The following PTPRN2 variants were observed in gnomAD, a reference collection of about 807,000 sequenced individuals.
PTPRN2 encodes the protein protein tyrosine phosphatase receptor type N2.
PTPRN2 carries 74 observed loss-of-function variants against 118.8 expected under a neutral mutation model. That is an observed-to-expected ratio of 0.62 (90% CI 0.52 to 0.76). The LOEUF is 0.76. PTPRN2 is among the 30% of genes least tolerant of loss of function. The pLI, the probability that PTPRN2 is intolerant of heterozygous loss-of-function variation, is 0.00. For missense variants in PTPRN2, 1,481 were observed against 1,394.4 expected (o/e 1.06, Z -0.99); for synonymous variants, 641 against 608.0 (o/e 1.05, Z -0.80).
intron 15 of PTPRN2, among the ~76,000 whole-genome samples, chr7:157,606,405 C>T (rs1473265525): frequency 6.6e-6 from 1 of 152,216 alleles, no homozygotes; most frequent in Non-Finnish European, 1.5e-5. Flanking sequence ...GTTACGCCTC[C>T]CTGCTGCAGC....
At position 157,796,722 on chromosome 7, in the gene PTPRN2, C is replaced by T. The variant is rs139512986; in HGVS notation, c.1788+101951G>A. On this transcript the variant is annotated intron_variant, in intron 12 of 22. Coordinates refer to ENST00000389418, the MANE Select transcript of PTPRN2 (RefSeq NM_002847.5). Reference sequence around the variant, plus strand: ...GGAGGCCTCAGGGAGCTTCCAGTCACGGTGGAAGGCGAAAGGGAAGCAATC... The same window carrying T: ...GGAGGCCTCAGGGAGCTTCCAGTCATGGTGGAAGGCGAAAGGGAAGCAATC... 7.5e-4 allele frequency among the ~76,000 whole-genome samples: 114 copies of T among 152,182 alleles called. 2 individuals carry two copies. In the East Asian group the frequency reaches 0.013, roughly 18 times the overall value.
Position 157,991,599 on chromosome 7 carries a change from C to T in PTPRN2, c.1723+89699G>A, listed in dbSNP as rs150831418. Among the ~76,000 whole-genome samples, 488 of 152,306 alleles carry T rather than the reference C, an allele frequency of 3.2e-3. 4 individuals carry two copies. Among genetic ancestry groups the T allele is most frequent in the African/African-American group, 0.011 (443 of 41,572 alleles). ...GGGCGAGGGAGGGCGGACCTGTTTCCTGTTAAACCCTGGAGCTAGCACAGA... is the reference window on the plus strand; with the variant it reads ...GGGCGAGGGAGGGCGGACCTGTTTCTTGTTAAACCCTGGAGCTAGCACAGA... On this transcript the variant is annotated intron_variant, in intron 11 of 22. Transcript: ENST00000389418.
intron 13 of PTPRN2, among the ~76,000 whole-genome samples, chr7:157,682,409 G>C (rs528384444): frequency 6.6e-6 from 1 of 152,324 alleles, no homozygotes; most frequent in East Asian, 1.9e-4. Context: ...CTTTTCAGTA[G>C]TAGTGGCCAA....
intron 2 of PTPRN2, among the ~76,000 whole-genome samples, chr7:158,384,749 G>A (rs1228113469): frequency 6.6e-6 from 1 of 152,154 alleles, no homozygotes; most frequent in African/African-American, 2.4e-5. Flanking sequence ...ACTAATAAGT[G>A]ATTACATTTG....
At chr7:157,718,229 G>A (rs2150907042) in intron 12 of PTPRN2, among the ~76,000 whole-genome samples, 1 of 152,372 alleles carries the variant, frequency 6.6e-6, no homozygotes, top group Non-Finnish European at 1.5e-5. Context: ...TGAATTTAGA[G>A]TTTTTGAACT....
chr7:157,715,278 A>G (rs796372323), intron 12 of PTPRN2, among the ~76,000 whole-genome samples: 1 of 152,122 alleles, frequency 6.6e-6, no homozygotes, highest in Non-Finnish European at 1.5e-5. Flanking sequence ...AGGCCCAGGG[A>G]GTGTTGGGAG....
At chr7:158,286,982 C>A (rs1360628700) in intron 3 of PTPRN2, among the ~76,000 whole-genome samples, 1 of 152,100 alleles carries the variant, frequency 6.6e-6, no homozygotes, top group African/African-American at 2.4e-5. Context: ...AGGTCCTGAA[C>A]TCTTTTTATG....
At chr7:157,830,911 T>C (rs183062266) in intron 12 of PTPRN2, among the ~76,000 whole-genome samples, 29 of 152,236 alleles carry the variant, frequency 1.9e-4, no homozygotes, top group African/African-American at 6.0e-4. Context: ...GGCTGCACGC[T>C]GGGGGATGAT....
chr7:158,142,401 A>G (rs1319516453), intron 6 of PTPRN2, among the ~76,000 whole-genome samples: 7 of 152,180 alleles, frequency 4.6e-5, no homozygotes, highest in Admixed American at 3.3e-4. Context: ...GTATCGACCC[A>G]TGGCGTGGCC....
At chr7:157,638,281 C>A (rs1230442495) in intron 14 of PTPRN2, among the ~76,000 whole-genome samples, 1 of 151,602 alleles carries the variant, frequency 6.6e-6, no homozygotes, top group African/African-American at 2.4e-5. Context: ...ACCAAACGTG[C>A]TCACAAGGAA....
In PTPRN2 at chr7:157,622,103, C is replaced by T. The variant is rs755145841; in HGVS notation, c.2197-594G>A. 1.3e-5 allele frequency among the ~76,000 whole-genome samples: 2 copies of T among 152,088 alleles called. No homozygotes were observed. Among genetic ancestry groups the T allele is most frequent in the Non-Finnish European group, 2.9e-5 (2 of 68,020 alleles). Reference sequence around the variant, plus strand: ...GAAACAAAGGCCTCCTGAAAATTCCCTTCCACAAAAACCCCCATGCCGCCA... The same window carrying T: ...GAAACAAAGGCCTCCTGAAAATTCCTTTCCACAAAAACCCCCATGCCGCCA... On this transcript the variant is annotated intron_variant, in intron 14 of 22. Transcript: ENST00000389418. The surrounding 1 kb of genome is among the most constrained non-coding windows in gnomAD (Gnocchi z 5.3).
At chr7:158,269,207 C>T (rs541266478) in intron 3 of PTPRN2, among the ~76,000 whole-genome samples, 5 of 152,336 alleles carry the variant, frequency 3.3e-5, no homozygotes, top group South Asian at 2.1e-4. Context: ...TGCCCGACCC[C>T]GCCCCAGATG....
At chr7:158,318,139 C>T (rs1430670548) in intron 2 of PTPRN2, among the ~76,000 whole-genome samples, 1 of 152,108 alleles carries the variant, frequency 6.6e-6, no homozygotes, top group Non-Finnish European at 1.5e-5. Context: ...GACGCGTCTG[C>T]AGAGCCCGGC....
intron 1 of PTPRN2, among the ~76,000 whole-genome samples, chr7:158,500,022 T>C (rs1822241159): frequency 6.9e-6 from 1 of 144,314 alleles, no homozygotes; most frequent in Non-Finnish European, 1.5e-5. Context: ...TTAGAACTCT[T>C]ACACTTGAGC....
chr7:157,790,527 G>A (rs1419134025), intron 12 of PTPRN2, among the ~76,000 whole-genome samples: 1 of 152,142 alleles, frequency 6.6e-6, no homozygotes, highest in African/African-American at 2.4e-5. Flanking sequence ...GACAACACAA[G>A]GGCCTGGAGT....
At chr7:157,718,686 C>T (rs1585299408) in intron 12 of PTPRN2, among the ~76,000 whole-genome samples, 1 of 151,944 alleles carries the variant, frequency 6.6e-6, no homozygotes, top group East Asian at 1.9e-4. Context: ...TGCAGCCACT[C>T]TCCATGGCCC....
chr7:158,587,664 C>T lies in PTPRN2; in HGVS notation c.6G>A (p.Gly2=). The T allele has an allele frequency of 2.2e-6, 3 of 1,341,494 alleles. No individual in the cohort carries two copies. Among genetic ancestry groups the T allele is most frequent in the Non-Finnish European group, 2.9e-6 (3 of 1,048,924 alleles). The allele number at this position is 1,341,494 out of a possible 1,614,324, so 83.1% of individuals were successfully genotyped here. A position where few individuals can be genotyped will look rare whatever the true frequency, so the allele number is the denominator to read the frequency against. ...GCAGCAGCAGCAGCGGGAGCGGCGG[C>T]CCCATCCCCGCGGCCTGGCCGGCGG... M[G]PPLPLLLLLL... The change falls in exon 1 of 23, where the codon GGG becomes GGA. Residue 2 remains glycine (G), a synonymous_variant. Transcript: ENST00000389418.
intron 12 of PTPRN2, among the ~76,000 whole-genome samples, chr7:157,782,501 A>T (rs1803741603): frequency 6.6e-6 from 1 of 152,226 alleles, no homozygotes; most frequent in South Asian, 2.1e-4. Flanking sequence ...AGGCATGGGA[A>T]GCTGATCAGG....
intron 2 of PTPRN2, among the ~76,000 whole-genome samples, chr7:158,389,403 G>A (rs1366785274): frequency 6.6e-6 from 1 of 152,232 alleles, no homozygotes; most frequent in Non-Finnish European, 1.5e-5. Context: ...TTAGAAAAGA[G>A]ATGTATTGTG....
Sources: gnomAD v4.1 joint callset for allele counts (sites outside exome capture counted in the v4.1 genomes callset) on GRCh38, gnomAD v4.1.1 for gene constraint, Gnocchi (gnomAD v3.1) non-coding constraint, MANE v1.5 for transcripts, NCBI Gene and HGNC (gene_info 2026-07-23, HGNC 2026-07-21) for gene names.